The following MAP7D3 variants were observed in gnomAD, a reference collection of about 807,000 sequenced individuals.
The protein encoded by MAP7D3 is MAP7 domain-containing protein 3.
MAP7D3 carries 45 observed loss-of-function variants against 62.2 expected under a neutral mutation model. The ratio of observed to expected loss-of-function variants is 0.72; its 90% CI spans 0.57 to 0.93. The LOEUF is 0.93. Ranked by LOEUF, MAP7D3 falls within the 40% of genes least tolerant of loss-of-function variation. The pLI is 0.00. For missense variants in MAP7D3, 711 were observed against 683.1 expected (o/e 1.04, Z -0.45); for synonymous variants, 288 against 248.8 (o/e 1.16, Z -1.48).
rs753988339 is a variant in MAP7D3, at chrX:136,241,429, G to A, written c.418-152C>T. On this transcript the variant is annotated intron_variant, in intron 4 of 18. Transcript: ENST00000316077. ...ATGTCTCAGCTATCAATCAATACCA[G>A]TGCTTCTCCTAAATAACTCATTTTT... 2.8e-4 allele frequency: 93 copies of A among 330,654 alleles called. No homozygotes were observed. In the South Asian group the frequency reaches 4.0e-3, roughly 14 times the overall value. The allele number at this position is 330,654 out of a possible 1,213,427, so 27.2% of individuals were successfully genotyped here. A position where few individuals can be genotyped will look rare whatever the true frequency, so the allele number is the denominator to read the frequency against.
chrX:136,241,316 T>A (rs755091733), intron 4 of MAP7D3, 39 bp from the exon 5 acceptor site: 17 of 754,040 alleles, frequency 2.3e-5, no homozygotes, highest in Non-Finnish European at 3.3e-5. Context: ...TACATATTCA[T>A]CAAATTAGTA....
At chrX:136,221,770 T>A (rs1217999487) in intron 15 of MAP7D3, 1 of 112,714 alleles carries the variant, frequency 8.9e-6, no homozygotes, top group Non-Finnish European at 1.9e-5. Context: ...GGTTTGCTCA[T>A]ATGTTTGTCT....
rs1254396427 is a variant in MAP7D3 at position 136,218,112 on chromosome X, T to A, written c.*414A>T. ...GCATTACTTTAAGATTTCAAATATATACTGAAAGAGAATTAGTTCTGCAAT... is the reference window on the plus strand; with the variant it reads ...GCATTACTTTAAGATTTCAAATATAAACTGAAAGAGAATTAGTTCTGCAAT... On this transcript the variant is annotated 3_prime_UTR_variant, in exon 19 of 19. Coordinates refer to ENST00000316077, the MANE Select transcript of MAP7D3 (RefSeq NM_024597.4). 9.1e-6 allele frequency: 1 copy of A among 110,163 alleles called. No homozygotes were observed. The allele number at this position is 110,163 out of a possible 1,213,427, so 9.1% of individuals were successfully genotyped here.
chrX:136,231,265 C>T (rs752550726), intron 8 of MAP7D3: 4 of 331,721 alleles, frequency 1.2e-5, no homozygotes, highest in Non-Finnish European at 2.1e-5. Context: ...TCTCAAAAAA[C>T]ATTTCTTCAG....
chrX:136,214,232 C>T (rs1278229778), downstream of MAP7D3: 1 of 111,816 alleles, frequency 8.9e-6, no homozygotes, highest in Non-Finnish European at 1.9e-5. Flanking sequence ...AAATTAGAAT[C>T]AGATGGGTGC....
chrX:136,240,949 T>G, intron 5 of MAP7D3, among the ~76,000 whole-genome samples: 1 of 112,335 alleles, frequency 8.9e-6, no homozygotes, highest in Middle Eastern at 4.6e-3. Flanking sequence ...TTAAATAAGA[T>G]TTTAGGTATA....
intron 12 of MAP7D3, 102 bp from the exon 13 acceptor site, chrX:136,226,115 C>T: frequency 3.7e-6 from 2 of 533,361 alleles, no homozygotes; most frequent in Non-Finnish European, 6.1e-6. Flanking sequence ...TCTAGTATAA[C>T]AAAAGAGTGT....
upstream of MAP7D3, chrX:136,256,059 T>A (rs1042650347): frequency 1.3e-6 from 1 of 751,106 alleles, no homozygotes; most frequent in African/African-American, 2.3e-5. Flanking sequence ...AGCCATGCGA[T>A]GGCTTTTTCT....
chrX:136,232,075 T>C lies in MAP7D3; in HGVS notation c.882A>G (p.Lys294=), dbSNP rs780671861. 2.5e-6 allele frequency: 3 copies of C among 1,210,943 alleles called. No individual in the cohort carries two copies. Reference sequence around the variant, plus strand: ...CACTTGCCTTGGGAGGTGTCTCTACTTTCTCCAAGGGAGACTCTTCTACTT... The same window carrying C: ...CACTTGCCTTGGGAGGTGTCTCTACCTTCTCCAAGGGAGACTCTTCTACTT... ...QTKVEESPLE[K]VETPPKASVD... Residue 294 remains lysine (K), a synonymous_variant, in exon 8 of 19, where the codon AAA becomes AAG. Coordinates refer to ENST00000316077, the MANE Select transcript of MAP7D3 (RefSeq NM_024597.4).
rs1235352335 is a variant in MAP7D3 at position 136,244,755 on chromosome X, G to C, written c.294C>G (p.Thr98=). 8.4e-7 allele frequency: 1 copy of C among 1,195,477 alleles called. No individual in the cohort carries two copies. The highest frequency in any genetic ancestry group is 1.1e-6 in the Non-Finnish European group (1 of 886,907). The change falls in exon 4 of 19, where the codon ACC becomes ACG. Residue 98 remains threonine (T), a synonymous_variant. Coordinates refer to ENST00000316077, the MANE Select transcript of MAP7D3 (RefSeq NM_024597.4). ...CCATCTGTTTTTCATATTGGAGCTT[G>C]GTCTTTCTTTCTTTTTCAAGTAGTT... ...ETQLLEKERK[T]KLQYEKQMEE...
At chrX:136,243,759 A>G (rs978768878) in intron 4 of MAP7D3, among the ~76,000 whole-genome samples, 2 of 111,122 alleles carry the variant, frequency 1.8e-5, no homozygotes, top group Admixed American at 1.9e-4. Context: ...AGGAAGATAG[A>G]GGACAGTGTC....
intron 1 of MAP7D3, among the ~76,000 whole-genome samples, chrX:136,248,285 G>C (rs1317838356): frequency 3.6e-5 from 4 of 112,334 alleles, no homozygotes; most frequent in Non-Finnish European, 7.5e-5. Context: ...TCATATAAAG[G>C]TTAATGTGGT....
chrX:136,229,700 C>T (rs1356938517), intron 10 of MAP7D3, among the ~76,000 whole-genome samples: 3 of 25,933 alleles, frequency 1.2e-4, no homozygotes, highest in African/African-American at 3.4e-4. Flanking sequence ...AACCTCTCAT[C>T]CGACCTGTGC....
intron 9 of MAP7D3, 116 bp from the exon 10 acceptor site, chrX:136,230,709 C>CT: frequency 1.1e-6 from 1 of 914,830 alleles, no homozygotes; most frequent in Non-Finnish European, 1.5e-6. Flanking sequence ...AAATAAATCC[C>CT]TTTTTACAGG....
At chrX:136,244,140 G>GC (rs1459685924) in intron 4 of MAP7D3, among the ~76,000 whole-genome samples, 2 of 111,217 alleles carry the variant, frequency 1.8e-5, no homozygotes, top group Non-Finnish European at 3.8e-5. Context: ...GTGTGAGTGT[G>GC]CACCAGAGGG....
At chrX:136,245,104 A>G (rs1375266782) in intron 3 of MAP7D3, among the ~76,000 whole-genome samples, 1 of 112,399 alleles carries the variant, frequency 8.9e-6, no homozygotes, top group Non-Finnish European at 1.9e-5. Flanking sequence ...TGCTGATTTG[A>G]GCTAAAGTCA....
Position 136,220,893 on chromosome X carries a change from G to A in MAP7D3, c.2358C>T (p.His786=), listed in dbSNP as rs780252218. The stretch of plus-strand genomic sequence containing the variant: ...TACCATCTTCTAGAAATACCAGCTT[G>A]TGTGTCATTTTCTTGGCATTGTTGA... The part of the protein sequence containing the change: ...MPFNNAKKMT[H]KLVFLEDGTS... The change falls in exon 16 of 19, where the codon CAC becomes CAT. Residue 786 remains histidine, a synonymous_variant. Coordinates refer to ENST00000316077, the MANE Select transcript of MAP7D3 (RefSeq NM_024597.4). The A allele has an allele frequency of 7.5e-6, 9 of 1,206,159 alleles. No homozygotes were observed. The East Asian group carries it at 2.7e-4, about 36-fold the overall frequency.
rs896179807 is a variant in MAP7D3 at position 136,245,375 on chromosome X, A to G, written c.254-580T>C. ...TCTGTATAAATTAGGATCTAAAAGG[A>G]TAATCTTTTTACAACTTGGTAACAT... On this transcript the variant is annotated intron_variant, in intron 3 of 18. Transcript: ENST00000316077. Among the ~76,000 whole-genome samples the G allele has an allele frequency of 3.6e-5, 4 of 112,305 alleles. No homozygotes were observed. The Admixed American group carries it at 3.8e-4, about 11-fold the overall frequency.
chrX:136,237,623 G>A (rs1478315058), intron 6 of MAP7D3, among the ~76,000 whole-genome samples: 5 of 111,825 alleles, frequency 4.5e-5, no homozygotes, highest in Non-Finnish European at 9.4e-5. Flanking sequence ...ATACCTTCTT[G>A]TATTAAAAGC....
Sources: gnomAD v4.1 joint callset for allele counts (sites outside exome capture counted in the v4.1 genomes callset) on GRCh38, gnomAD v4.1.1 for gene constraint, MANE v1.5 for transcripts, NCBI Gene and HGNC (gene_info 2026-07-23, HGNC 2026-07-21) for gene names.